The following ESRRB variants were observed in gnomAD, a reference collection of about 807,000 sequenced individuals.
ESRRB encodes the protein estrogen related receptor beta.
A neutral mutation model predicts 46.0 loss-of-function variants in ESRRB; 16 were observed. The observed-to-expected ratio is 0.35, with a 90% confidence interval of 0.24 to 0.53. ESRRB has a LOEUF of 0.53. Among genes scored for constraint, ESRRB ranks in the 20% least tolerant of loss-of-function variants. The probability of loss-of-function intolerance (pLI) is 0.93; values close to 1 mark genes in which losing one functional copy is unlikely to be tolerated. For synonymous variants in ESRRB, 246 were observed against 259.6 expected (o/e 0.95, Z 0.50); for missense variants, 488 against 607.4 (o/e 0.80, Z 2.07).
rs1386248974 is a variant in ESRRB, at chr14:76,500,785, T to G, written c.*2327T>G. 6.4e-7 allele frequency: 1 copy of G among 1,570,872 alleles called. No individual in the cohort carries two copies. Among genetic ancestry groups the G allele is most frequent in the African/African-American group, 1.3e-5 (1 of 74,090 alleles). On this transcript the variant is annotated 3_prime_UTR_variant, in exon 7 of 7. Coordinates refer to ENST00000644823, the MANE Select transcript of ESRRB (RefSeq NM_001379180.1). ...CAGCTGCACCTCACTGGATCTAGTG[T>G]TGCTGCGAGTGACCTCACTTCAGAG...
At chr14:76,316,961 C>A (rs370188411) in intron 1 of ESRRB, among the ~76,000 whole-genome samples, 2 of 152,138 alleles carry the variant, frequency 1.3e-5, no homozygotes, top group Admixed American at 6.5e-5. Flanking sequence ...TCTGTAGGGC[C>A]CCCTGTGCTC....
At chr14:76,443,111 C>T (rs754842322) in intron 2 of ESRRB, among the ~76,000 whole-genome samples, 1 of 151,856 alleles carries the variant, frequency 6.6e-6, no homozygotes, top group Non-Finnish European at 1.5e-5. Flanking sequence ...CCACCGCGCC[C>T]GGTCATAAAG....
chr14:76,501,645 GATA>G lies in ESRRB; in HGVS notation c.*3191_*3193del, dbSNP rs1008799889. On this transcript the variant is annotated 3_prime_UTR_variant, in exon 7 of 7. Transcript: ENST00000644823. ...AAAGATTGTTTTATTTTCTAATAAT[GATA>G]ATATGGCTGGAATGGCTTCTTAAGA... The G allele has an allele frequency of 6.6e-6, 1 of 152,208 alleles. No homozygotes were observed. Among genetic ancestry groups the G allele is most frequent in the African/African-American group, 2.4e-5 (1 of 41,454 alleles). The allele number at this position is 152,208 out of a possible 1,614,324, so 9.4% of individuals were successfully genotyped here.
At chr14:76,464,980 G>C (rs1015237235) in intron 3 of ESRRB, among the ~76,000 whole-genome samples, 3 of 151,960 alleles carry the variant, frequency 2.0e-5, no homozygotes, top group Non-Finnish European at 4.4e-5. Flanking sequence ...TGCTTGACCT[G>C]TTGTTCTCAC....
At chr14:76,311,529 GAAGT>G (rs1883734146) in intron 1 of ESRRB, among the ~76,000 whole-genome samples, 1 of 152,198 alleles carries the variant, frequency 6.6e-6, no homozygotes, top group Non-Finnish European at 1.5e-5. Flanking sequence ...TTTGCTTTGA[GAAGT>G]CACGATGAGA....
rs565344756 is a variant in ESRRB, at chr14:76,492,200, G to A, written c.1120+484G>A. Among the ~76,000 whole-genome samples, 24 of 152,350 alleles carry A rather than the reference G, an allele frequency of 1.6e-4. No individual in the cohort carries two copies. In the Middle Eastern group the frequency reaches 0.01, roughly 65 times the overall value. On this transcript the variant is annotated intron_variant, in intron 6 of 6. Coordinates refer to ENST00000644823, the MANE Select transcript of ESRRB (RefSeq NM_001379180.1). ...TTTATTATAGACGGGGTCTTGTTCT[G>A]TCGCCCAGGTAGGAGTGCTGTGGCT...
chr14:76,341,975 C>T (rs1399713890), intron 1 of ESRRB, among the ~76,000 whole-genome samples: 1 of 152,174 alleles, frequency 6.6e-6, no homozygotes, highest in East Asian at 1.9e-4. Context: ...CCTGAGATTG[C>T]CCAGTGAGGC....
At chr14:76,370,635 C>T (rs1357559175), upstream of ESRRB, among the ~76,000 whole-genome samples, 1 of 152,170 alleles carries the variant, frequency 6.6e-6, no homozygotes, top group Non-Finnish European at 1.5e-5. Flanking sequence ...TCTCCCTTCT[C>T]CTCCTTCATT....
At chr14:76,459,285 C>T (rs1324877340) in intron 2 of ESRRB, among the ~76,000 whole-genome samples, 2 of 151,904 alleles carry the variant, frequency 1.3e-5, no homozygotes, top group Non-Finnish European at 2.9e-5. Flanking sequence ...GCGCATTGAG[C>T]GGCTGGGTGT....
At chr14:76,354,232 C>CG (rs1555390246) in intron 1 of ESRRB, among the ~76,000 whole-genome samples, 1 of 103,970 alleles carries the variant, frequency 9.6e-6, no homozygotes, top group Non-Finnish European at 1.9e-5. Flanking sequence ...CCGCCCCCCC[C>CG]CCCACCCACA....
chr14:76,352,183 G>A lies in ESRRB; in HGVS notation c.2+41267G>A, dbSNP rs114171640. Reference sequence around the variant, plus strand: ...GAAAACCACTTACCCTCCTTTACCCGCCTGACTTTTTTCGTGTGTAAAATG... The same window carrying A: ...GAAAACCACTTACCCTCCTTTACCCACCTGACTTTTTTCGTGTGTAAAATG... On this transcript the variant is annotated intron_variant, in intron 1 of 6. Coordinates refer to the ESRRB transcript ENST00000512784. Among the ~76,000 whole-genome samples the A allele has an allele frequency of 5.9e-3, 895 of 152,140 alleles. 10 individuals are homozygous for A. Among genetic ancestry groups the A allele is most frequent in the African/African-American group, 0.02 (847 of 41,480 alleles).
intron 1 of ESRRB, among the ~76,000 whole-genome samples, chr14:76,399,251 A>G (rs928131254): frequency 3.3e-5 from 5 of 152,118 alleles, no homozygotes; most frequent in African/African-American, 4.8e-5. Context: ...TTGACAATCC[A>G]TCAGGAAGCT....
At chr14:76,453,568 C>T (rs112934746) in intron 2 of ESRRB, among the ~76,000 whole-genome samples, 9 of 150,834 alleles carry the variant, frequency 6.0e-5, no homozygotes, top group South Asian at 2.1e-4. Flanking sequence ...AAGAAGGCTA[C>T]GGGATCAAAT....
At chr14:76,395,930 T>C (rs1885659402) in intron 1 of ESRRB, among the ~76,000 whole-genome samples, 1 of 151,872 alleles carries the variant, frequency 6.6e-6, no homozygotes, top group Non-Finnish European at 1.5e-5. Context: ...ATCTCAGCAC[T>C]TTGGGAAGCT....
At chr14:76,444,068 GT>G (rs1009354324) in intron 2 of ESRRB, among the ~76,000 whole-genome samples, 61 of 145,940 alleles carry the variant, frequency 4.2e-4, no homozygotes, top group African/African-American at 6.7e-4. Flanking sequence ...TTTTGTTGTT[GT>G]TTTTTTTTTT....
At chr14:76,404,197 C>T (rs976403012) in intron 1 of ESRRB, among the ~76,000 whole-genome samples, 54 of 152,074 alleles carry the variant, frequency 3.6e-4, no homozygotes, top group African/African-American at 1.1e-3. Context: ...TGTGTGCGCG[C>T]GTGCGTGTGT....
intron 1 of ESRRB, among the ~76,000 whole-genome samples, chr14:76,408,501 G>T (rs1166686170): frequency 6.6e-6 from 1 of 151,066 alleles, no homozygotes; most frequent in Non-Finnish European, 1.5e-5. Context: ...AGGTGGTGGG[G>T]CGATTGCTTG....
At chr14:76,371,340 A>T (rs1884620068), upstream of ESRRB, 1 of 152,362 alleles carries the variant, frequency 6.6e-6, no homozygotes, top group Admixed American at 6.5e-5. Flanking sequence ...GTAAGAAGAC[A>T]GCAGGTCCGC....
At chr14:76,313,000 C>T (rs1432012568) in intron 1 of ESRRB, among the ~76,000 whole-genome samples, 3 of 152,194 alleles carry the variant, frequency 2.0e-5, no homozygotes, top group Non-Finnish European at 4.4e-5. Flanking sequence ...GAGAGTCCCG[C>T]ATTCCTGAGC....
Sources: allele counts gnomAD v4.1 joint callset (sites outside exome capture counted in the v4.1 genomes callset), GRCh38; gene constraint gnomAD v4.1.1; transcripts MANE v1.5; gene names NCBI Gene and HGNC (gene_info 2026-07-23, HGNC 2026-07-21).